LRRC71: variants seen among roughly 807,000 people sequenced by gnomAD.
The protein encoded by LRRC71 is leucine rich repeat containing 71.
In LRRC71, 54 loss-of-function variants were observed where a neutral mutation model predicts 66.6. That is an observed-to-expected ratio of 0.81 (90% CI 0.65 to 1.02). The LOEUF is 1.02. Ranked by LOEUF, LRRC71 falls within the 50% of genes least tolerant of loss-of-function variation. The pLI, the probability that LRRC71 is intolerant of heterozygous loss-of-function variation, is 0.00. For synonymous variants in LRRC71, 323 were observed against 303.9 expected, an observed-to-expected ratio of 1.06 and a Z score of -0.65; for missense variants, 724 against 718.0, an observed-to-expected ratio of 1.01 and a Z score of -0.10.
chr1:156,937,056 C>A (rs1336052971), downstream of LRRC71: 8 of 1,593,194 alleles, frequency 5.0e-6, no homozygotes, highest in East Asian at 1.6e-4. Context: ...ATTCCTAAGG[C>A]CCCTGGGGAA....
downstream of LRRC71, chr1:156,935,152 G>GT (rs1557802106): frequency 6.6e-6 from 1 of 152,456 alleles, no homozygotes; most frequent in East Asian, 1.9e-4. Context: ...CCTCAGCTCC[G>GT]TACCTGCTTC....
chr1:156,923,882 G>T, intron 1 of LRRC71, 67 bp from the exon 2 acceptor site: 1 of 1,406,150 alleles, frequency 7.1e-7, no homozygotes, highest in East Asian at 2.8e-5. Context: ...CTCCGCCCGC[G>T]CGGGAGAGCT....
chr1:156,939,961 C>A, the LRRC71 span: 2 of 1,582,004 alleles, frequency 1.3e-6, no homozygotes, highest in Non-Finnish European at 1.7e-6. Context: ...GCACACCACG[C>A]CAGAAGGATC....
Position 156,921,614 on chromosome 1 carries a change from G to A in LRRC71, c.160+651G>A, listed in dbSNP as rs1007572168. 24 of 985,030 alleles carry A rather than the reference G, an allele frequency of 2.4e-5. No homozygotes were observed. The African/African-American group carries it at 4.0e-4, about 17-fold the overall frequency. The allele number at this position is 985,030 out of a possible 1,614,324, so 61.0% of individuals were successfully genotyped here. A position where few individuals can be genotyped will look rare whatever the true frequency, so the allele number is the denominator to read the frequency against. On this transcript the variant is annotated intron_variant, in intron 1 of 14. Transcript: ENST00000337428. ...ATCTCTTTGTCAGTGCTGGTGGATG[G>A]GGAGAAGGAATTATAGGAGCTGGAG...
chr1:156,931,979 A>G lies in LRRC71; in HGVS notation c.1393A>G (p.Lys465Glu), dbSNP rs764733543. 2 of 1,601,174 alleles carry G rather than the reference A, an allele frequency of 1.2e-6. No individual in the cohort carries two copies. Among genetic ancestry groups the G allele is most frequent in the Admixed American group, 1.7e-5 (1 of 58,432 alleles). Residue 465 changes from lysine to glutamate, a missense_variant, in exon 13 of 15, where the codon AAA becomes GAA. Physicochemically the swap from Lys to Glu is moderately conservative, Grantham distance 56. Transcript: ENST00000337428. The stretch of plus-strand genomic sequence containing the variant: ...GGAGCCTGTGGAGCACCGAGATGGG[A>G]AAGTTTTCATGCCTGGGAACAAGGT... ...LLEPVEHRDG[K>E]VFMPGNKVLL...
chr1:156,932,467 G>A lies in LRRC71; in HGVS notation c.1485G>A (p.Thr495=), dbSNP rs822430. The A allele has an allele frequency of 0.57, 916,067 of 1,611,248 alleles. 268,554 individuals carry two copies. The highest frequency in any genetic ancestry group is 0.86 in the East Asian group (38,770 of 44,846). ...TGGGGCTGGAGGGCTTCCTCGCCAC[G>A]GTGCAGTATCAGATGCAGTTCTCCA... ...TEVGLEGFLA[T]VQYQMQFSKA... Residue 495 remains threonine (T), a synonymous_variant, in exon 14 of 15, where the codon ACG becomes ACA. Transcript: ENST00000337428.
chr1:156,931,839 TTGAATGAA>T (rs949626847), intron 12 of LRRC71, 69 bp from the exon 13 acceptor site: 8 of 1,164,170 alleles, frequency 6.9e-6, no homozygotes, highest in African/African-American at 3.1e-5. Context: ...AACATGTATG[TTGAATGAA>T]TGAATGAATG....
chr1:156,930,429 T>TG lies in LRRC71; in HGVS notation c.1241-94dup, dbSNP rs948649177. The TG allele has an allele frequency of 3.1e-5, 32 of 1,040,090 alleles. No individual in the cohort carries two copies. In the East Asian group the frequency reaches 4.8e-4, roughly 16 times the overall value. 64.4% of individuals were successfully genotyped at this position (1,040,090 alleles called of 1,614,324 possible). On this transcript the variant is annotated intron_variant, in intron 11 of 14. Transcript: ENST00000337428. ...TTTCTATTGCACCCAAACCCAAAGT[T>TG]GGGGGGTCTCTTTGCCTCACAGCCT...
At chr1:156,938,044 C>A (rs1006325602), downstream of LRRC71, among the ~76,000 whole-genome samples, 2 of 152,228 alleles carry the variant, frequency 1.3e-5, no homozygotes, top group African/African-American at 4.8e-5. Context: ...CTGGGAGGCT[C>A]TTTCAGCCGA....
rs1407866320 is a variant in LRRC71 at position 156,924,397 on chromosome 1, C to T, written c.311-27C>T. 6 of 1,543,814 alleles carry T rather than the reference C, an allele frequency of 3.9e-6. No individual in the cohort carries two copies. The African/African-American group carries it at 4.1e-5, about 11-fold the overall frequency. On this transcript the variant is annotated intron_variant, in intron 2 of 14. Transcript: ENST00000337428. ...CGTGGGGCCCTGGAGGTGGCTGTTCCCCTCCCTCCTCACCTCTGCCTTCCA... is the reference window on the plus strand; with the variant it reads ...CGTGGGGCCCTGGAGGTGGCTGTTCTCCTCCCTCCTCACCTCTGCCTTCCA...
chr1:156,932,943 G>A lies in LRRC71; in HGVS notation c.1654G>A (p.Asp552Asn), dbSNP rs1374490694. Residue 552 changes from aspartate (D) to asparagine (N), a missense_variant, in exon 15 of 15, where the codon GAT becomes AAT. Coordinates refer to ENST00000337428, the MANE Select transcript of LRRC71 (RefSeq NM_144702.3). ...RDPIKAKLRE[D>N]EAMAFFP Reference sequence around the variant, plus strand: ...TCCCATCAAGGCCAAACTCAGGGAGGATGAGGCCATGGCATTCTTCCCCTA... The same window carrying A: ...TCCCATCAAGGCCAAACTCAGGGAGAATGAGGCCATGGCATTCTTCCCCTA... 1.3e-6 allele frequency: 2 copies of A among 1,587,348 alleles called. No individual in the cohort carries two copies. Among genetic ancestry groups the A allele is most frequent in the African/African-American group, 2.7e-5 (2 of 74,218 alleles).
At position 156,923,928 on chromosome 1, in the gene LRRC71, C is replaced by G. The variant is rs1039358510; in HGVS notation, c.161-21C>G. The G allele has an allele frequency of 1.7e-5, 24 of 1,452,890 alleles. No individual in the cohort carries two copies. In the East Asian group the frequency reaches 6.1e-4, roughly 37 times the overall value. 90.0% of individuals were successfully genotyped at this position (1,452,890 alleles called of 1,614,324 possible). Reference sequence around the variant, plus strand: ...GGGGTGGGCGTGGCCCCTTCTCTCACGCCCCTGCCTGCCCCCGCAGAGGAG... The same window carrying G: ...GGGGTGGGCGTGGCCCCTTCTCTCAGGCCCCTGCCTGCCCCCGCAGAGGAG... On this transcript the variant is annotated intron_variant, in intron 1 of 14. Transcript: ENST00000337428.
rs780035091 is a variant in LRRC71, at chr1:156,927,791, A to G, written c.881A>G (p.Asp294Gly). 3 of 1,613,110 alleles carry G rather than the reference A, an allele frequency of 1.9e-6. No homozygotes were observed. Among genetic ancestry groups the G allele is most frequent in the Non-Finnish European group, 2.5e-6 (3 of 1,179,728 alleles). Residue 294 changes from aspartate (D) to glycine (G), a missense_variant, in exon 8 of 15, where the codon GAC becomes GGC. By Grantham distance (94) the Asp-to-Gly change is moderately conservative. Coordinates refer to ENST00000337428, the MANE Select transcript of LRRC71 (RefSeq NM_144702.3). ...WLSLAHNRIQDKGALKLAEVL... is the reference protein window; with the variant it reads ...WLSLAHNRIQGKGALKLAEVL... ...TCCCTGGCCCACAACCGCATCCAGG[A>G]CAAGGGCGCCCTGAAGCTGGCTGAG...
At chr1:156,921,196 C>G (rs1652308746) in intron 1 of LRRC71, among the ~76,000 whole-genome samples, 1 of 152,000 alleles carries the variant, frequency 6.6e-6, no homozygotes, top group South Asian at 2.1e-4. Context: ...AGAGGAAGGC[C>G]CAGGGGGTGA....
At chr1:156,936,337 C>A (rs530027232), downstream of LRRC71, 1 of 580,130 alleles carries the variant, frequency 1.7e-6, no homozygotes, top group Non-Finnish European at 3.3e-6. Context: ...ATCATTTAAT[C>A]AGCACGAGTC....
chr1:156,937,870 C>G (rs1359684101), downstream of LRRC71, among the ~76,000 whole-genome samples: 2 of 152,222 alleles, frequency 1.3e-5, no homozygotes, highest in African/African-American at 4.8e-5. Context: ...CTTGCCCTGC[C>G]TGACTCCAGC....
rs904511814 is a variant in LRRC71, at chr1:156,930,064, C to CTTTCTTTCTTTCT, written c.1240+351_1240+363dup. 4.7e-3 allele frequency among the ~76,000 whole-genome samples: 448 copies of CTTTCTTTCTTTCT among 95,558 alleles called. 1 individual carries two copies. The highest frequency in any genetic ancestry group is 0.019 in the African/African-American group (411 of 22,010). 62.7% of individuals were successfully genotyped at this position (95,558 alleles called of 152,430 possible). ...TCTTTCTCTTTCTTTCTTTCTTTTTCTTTCTTTCTTTCTTTTCTTTCTTTC... is the reference window on the plus strand; with the variant it reads ...TCTTTCTCTTTCTTTCTTTCTTTTTCTTTCTTTCTTTCTTTTCTTTCTTTCTTTTCTTTCTTTC... On this transcript the variant is annotated intron_variant, in intron 11 of 14. Transcript: ENST00000337428.
chr1:156,937,015 T>A, downstream of LRRC71: 1 of 1,609,570 alleles, frequency 6.2e-7, no homozygotes, highest in East Asian at 2.2e-5. Context: ...CCTGGAAGAG[T>A]CGGCGGGGGA....
the LRRC71 span, chr1:156,938,449 T>C: frequency 6.2e-7 from 1 of 1,613,476 alleles, no homozygotes; most frequent in Non-Finnish European, 8.5e-7. Context: ...CCACTTCAGG[T>C]GGCCCAGGCT....
Sources: allele counts gnomAD v4.1 joint callset (sites outside exome capture counted in the v4.1 genomes callset), GRCh38; gene constraint gnomAD v4.1.1; transcripts MANE v1.5; gene names NCBI Gene and HGNC (gene_info 2026-07-23, HGNC 2026-07-21).